The following ZNF385D variants were observed in gnomAD, a reference collection of about 807,000 sequenced individuals.
The protein encoded by ZNF385D is zinc finger protein 385D.
Under a neutral mutation model 35.8 loss-of-function variants are expected in ZNF385D, and 15 were observed. The ratio of observed to expected loss-of-function variants is 0.42; its 90% CI spans 0.28 to 0.64. The LOEUF (loss-of-function observed/expected upper bound fraction) is 0.64, where lower values mean the gene tolerates loss of function less well. ZNF385D is among the 30% of genes least tolerant of loss of function. The pLI is 0.23. For synonymous variants in ZNF385D, 212 were observed against 186.8 expected (o/e 1.13, Z -1.10); for missense variants, 474 against 494.6 (o/e 0.96, Z 0.39).
chr3:21,630,378 T>C (rs182049959), intron 2 of ZNF385D, among the ~76,000 whole-genome samples: 18 of 152,160 alleles, frequency 1.2e-4, no homozygotes, highest in African/African-American at 4.3e-4. Context: ...GCTGATTTTG[T>C]ATTTTTAGTA....
intron 2 of ZNF385D, among the ~76,000 whole-genome samples, chr3:22,315,156 G>A (rs1703816055): frequency 6.6e-6 from 1 of 152,134 alleles, no homozygotes; most frequent in Non-Finnish European, 1.5e-5. Flanking sequence ...AAAAAATGAA[G>A]CAGGACTTCT....
chr3:22,030,307 T>G (rs1697915714), intron 3 of ZNF385D, among the ~76,000 whole-genome samples: 1 of 74,190 alleles, frequency 1.3e-5, no homozygotes, highest in African/African-American at 6.0e-5. Context: ...ATATATCCTA[T>G]TTGGTCCATC....
chr3:21,420,042 T>C lies in ZNF385D; in HGVS notation c.*1172A>G, dbSNP rs560401344. ...TCATTGGTGTGCAATTAACTCAGATTCATATTTCCTGTTGTTATTAACATT... is the reference window on the plus strand; with the variant it reads ...TCATTGGTGTGCAATTAACTCAGATCCATATTTCCTGTTGTTATTAACATT... On this transcript the variant is annotated 3_prime_UTR_variant, in exon 8 of 8. Transcript: ENST00000281523. 1 of 152,234 alleles carries C rather than the reference T, an allele frequency of 6.6e-6. No homozygotes were observed. The highest frequency in any genetic ancestry group is 1.5e-5 in the Non-Finnish European group (1 of 68,016). 9.4% of individuals were successfully genotyped at this position (152,234 alleles called of 1,614,324 possible).
chr3:22,256,145 C>T (rs771968631), intron 2 of ZNF385D, among the ~76,000 whole-genome samples: 4 of 151,480 alleles, frequency 2.6e-5, no homozygotes, highest in Non-Finnish European at 4.4e-5. Context: ...CTTAGACTGG[C>T]TCTCCTTGTT....
intron 1 of ZNF385D, among the ~76,000 whole-genome samples, chr3:21,717,772 G>A (rs564302600): frequency 4.3e-4 from 66 of 152,202 alleles, no homozygotes; most frequent in Non-Finnish European, 6.8e-4. Flanking sequence ...CCTGTAAAAC[G>A]TGCCTTTCAC....
At chr3:22,030,302 T>TATATAA (rs3047003) in intron 3 of ZNF385D, among the ~76,000 whole-genome samples, 1 of 95,922 alleles carries the variant, frequency 1.0e-5, no homozygotes, top group African/African-American at 4.0e-5. Context: ...TATATATATA[T>TATATAA]CCTATTTGGT....
At position 22,119,979 on chromosome 3, in the gene ZNF385D, A is replaced by AT. The variant is rs940657640; in HGVS notation, c.325+48837dup. 1.4e-4 allele frequency among the ~76,000 whole-genome samples: 19 copies of AT among 137,660 alleles called. 1 individual carries two copies. The East Asian group carries it at 4.0e-3, about 29-fold the overall frequency. 90.3% of individuals were successfully genotyped at this position (137,660 alleles called of 152,430 possible). On this transcript the variant is annotated intron_variant, in intron 3 of 5. Transcript: ENST00000494108. ...CCACAGGCATGCTCCAACATACTCA[A>AT]TTTTTTTTCTTTTTTCTTTTTTTTT...
At chr3:21,914,412 T>C (rs779031) in intron 3 of ZNF385D, among the ~76,000 whole-genome samples, 129,580 of 147,152 alleles carry the variant, frequency 0.88, 57,180 homozygotes, top group East Asian at 0.98. Flanking sequence ...TCTTATCTCT[T>C]TTTTTCAAAT....
At chr3:22,253,300 A>C (rs1463664763) in intron 2 of ZNF385D, among the ~76,000 whole-genome samples, 1 of 151,884 alleles carries the variant, frequency 6.6e-6, no homozygotes, top group Non-Finnish European at 1.5e-5. Flanking sequence ...TGTAAAAACT[A>C]AGAAATAGAC....
intron 3 of ZNF385D, among the ~76,000 whole-genome samples, chr3:21,823,037 T>C (rs534784087): frequency 9.2e-5 from 14 of 152,252 alleles, no homozygotes; most frequent in African/African-American, 3.1e-4. Context: ...AATTCAAAAA[T>C]ATCATAATTT....
intron 2 of ZNF385D, among the ~76,000 whole-genome samples, chr3:22,279,542 GTATATACATATACA>G (rs1438424483): frequency 1.6e-3 from 217 of 137,806 alleles, no homozygotes; most frequent in African/African-American, 5.7e-3. Flanking sequence ...ACATATATAT[GTATATACATATACA>G]TATGTACATA....
chr3:21,636,364 T>TTA (rs1230017347), intron 2 of ZNF385D, among the ~76,000 whole-genome samples: 1 of 113,916 alleles, frequency 8.8e-6, no homozygotes, highest in Non-Finnish European at 1.8e-5. Flanking sequence ...TTATATATGA[T>TTA]TATATATATA....
intron 3 of ZNF385D, among the ~76,000 whole-genome samples, chr3:22,030,285 A>ATATATATGTATG (rs1697894210): frequency 4.6e-5 from 4 of 86,734 alleles, no homozygotes; most frequent in African/African-American, 1.7e-4. Context: ...ATATATATAT[A>ATATATATGTATG]TATATATATA....
At chr3:22,289,080 A>T (rs1301457453) in intron 2 of ZNF385D, among the ~76,000 whole-genome samples, 3 of 152,124 alleles carry the variant, frequency 2.0e-5, no homozygotes, top group Non-Finnish European at 4.4e-5. Context: ...TATCCTCAGG[A>T]TAAAGCTGAC....
At chr3:21,662,976 C>G (rs952503654) in intron 2 of ZNF385D, among the ~76,000 whole-genome samples, 29 of 152,044 alleles carry the variant, frequency 1.9e-4, no homozygotes, top group African/African-American at 6.3e-4. Flanking sequence ...ATTATTAGTC[C>G]CATTATGTGG....
chr3:21,515,367 T>A (rs1707492174), intron 3 of ZNF385D, among the ~76,000 whole-genome samples: 1 of 152,218 alleles, frequency 6.6e-6, no homozygotes, highest in Admixed American at 6.5e-5. Flanking sequence ...ACTCAGACAT[T>A]TATTATAAGC....
intron 2 of ZNF385D, among the ~76,000 whole-genome samples, chr3:22,292,539 C>A (rs944600028): frequency 6.6e-6 from 1 of 151,964 alleles, no homozygotes. Context: ...ATTTTGTAGA[C>A]CTCTATTTAA....
At chr3:21,707,905 T>G (rs2067967360) in intron 1 of ZNF385D, among the ~76,000 whole-genome samples, 1 of 152,192 alleles carries the variant, frequency 6.6e-6, no homozygotes, top group African/African-American at 2.4e-5. Context: ...CATCTGTGCT[T>G]AGTGACCTGA....
chr3:21,697,154 C>T (rs755322881), intron 1 of ZNF385D, among the ~76,000 whole-genome samples: 3 of 152,002 alleles, frequency 2.0e-5, no homozygotes, highest in Non-Finnish European at 2.9e-5. Context: ...GCTTCCTCAT[C>T]GTTAAAGGGA....
Sources: gnomAD v4.1 joint callset for allele counts (sites outside exome capture counted in the v4.1 genomes callset) on GRCh38, gnomAD v4.1.1 for gene constraint, MANE v1.5 for transcripts, NCBI Gene and HGNC (gene_info 2026-07-23, HGNC 2026-07-21) for gene names.